USP2: variants seen among roughly 807,000 people sequenced by gnomAD.
The protein encoded by USP2 is ubiquitin specific peptidase 2.
A neutral mutation model predicts 72.0 loss-of-function variants in USP2; 33 were observed. The ratio of observed to expected loss-of-function variants is 0.46; its 90% CI spans 0.35 to 0.61. The LOEUF (loss-of-function observed/expected upper bound fraction) is 0.61, where lower values mean the gene tolerates loss of function less well. Among genes scored for constraint, USP2 ranks in the 20% least tolerant of loss-of-function variants. USP2 has a pLI of 0.01. For synonymous variants in USP2, 296 were observed against 312.5 expected, an observed-to-expected ratio of 0.95 and a Z score of 0.56; for missense variants, 691 against 797.8, an observed-to-expected ratio of 0.87 and a Z score of 1.61.
chr11:119,379,051 C>T, intron 1 of USP2: 1 of 985,538 alleles, frequency 1.0e-6, no homozygotes. Flanking sequence ...TTCTCCTTCC[C>T]CAGCAGGGCA....
In USP2 at chr11:119,372,870, C is replaced by A. The variant is rs146005919; in HGVS notation, c.611G>T (p.Arg204Leu). The A allele has an allele frequency of 6.2e-7, 1 of 1,607,330 alleles. No individual in the cohort carries two copies. The highest frequency in any genetic ancestry group is 1.1e-5 in the South Asian group (1 of 90,190). ...YLVDYLENYG[R>L]KGSASQVPSQ... The stretch of plus-strand genomic sequence containing the variant: ...GGGCACCTGAGATGCACTGCCCTTG[C>A]GACCATAGTTCTCCAGGTAGTCGAC... The change falls in exon 2 of 13, where the codon CGC becomes CTC. Residue 204 changes from arginine (R) to leucine (L), a missense_variant. Arg to Leu is a moderately radical substitution (Grantham distance 102). Coordinates refer to ENST00000260187, the MANE Select transcript of USP2 (RefSeq NM_004205.5).
Position 119,372,838 on chromosome 11 carries a change from C to A in USP2, c.643G>T (p.Ala215Ser). 6.2e-7 allele frequency: 1 copy of A among 1,607,990 alleles called. No individual in the cohort carries two copies. The highest frequency in any genetic ancestry group is 8.5e-7 in the Non-Finnish European group (1 of 1,177,572). The change falls in exon 2 of 13, where the codon GCC becomes TCC. Residue 215 changes from alanine to serine, a missense_variant. Physicochemically the swap from Ala to Ser is moderately conservative, Grantham distance 99 (BLOSUM62 1). Coordinates refer to ENST00000260187, the MANE Select transcript of USP2 (RefSeq NM_004205.5). ...ATTTCAGGGACTCGTGAGGGAGGGG[C>A]CTGGGAGGGCACCTGAGATGCACTG... ...KGSASQVPSQ[A>S]PPSRVPEIIS... is the part of the protein sequence containing the mutation.
At chr11:119,375,354 C>T (rs531783924) in intron 1 of USP2, among the ~76,000 whole-genome samples, 121 of 152,298 alleles carry the variant, frequency 7.9e-4, no homozygotes, top group Non-Finnish European at 1.4e-3. Flanking sequence ...TGCCTGAGAA[C>T]TCCAGCAGTT....
intron 4 of USP2, 59 bp downstream of exon 4, chr11:119,359,478 C>G (rs1201418604): frequency 8.7e-6 from 14 of 1,608,650 alleles, no homozygotes; most frequent in Non-Finnish European, 1.0e-5. Flanking sequence ...TAGAACAGCC[C>G]CAGTGGAGTG....
At chr11:119,367,730 C>T (rs1449083328) in intron 2 of USP2, among the ~76,000 whole-genome samples, 4 of 152,210 alleles carry the variant, frequency 2.6e-5, no homozygotes, top group Non-Finnish European at 5.9e-5. Flanking sequence ...GCCCACACAC[C>T]TCCTTCTTTT....
chr11:119,376,071 C>G (rs577861713), intron 1 of USP2, among the ~76,000 whole-genome samples: 1 of 152,382 alleles, frequency 6.6e-6, no homozygotes, highest in East Asian at 1.9e-4. Context: ...GCTCTGACTT[C>G]TAGCTACAGT....
chr11:119,372,919 T>G lies in USP2; in HGVS notation c.562A>C (p.Thr188Pro), dbSNP rs1950951273. ...ELCTLQGLYQ[T>P]ASCPEYLVDY... ...ACCAGGTATTCAGGGCAGCTGGCTG[T>G]CTGGTAGAGCCCCTGCAGGGTGCAG... Residue 188 changes from threonine to proline, a missense_variant, in exon 2 of 13, where the codon ACA (threonine) becomes CCA (proline). Physicochemically the swap from Thr to Pro is conservative, Grantham distance 38. Transcript: ENST00000260187. The G allele has an allele frequency of 5.0e-6, 8 of 1,612,620 alleles. No homozygotes were observed. Among genetic ancestry groups the G allele is most frequent in the African/African-American group, 2.7e-5 (2 of 74,884 alleles).
intron 12 of USP2, 47 bp from the exon 13 acceptor site, chr11:119,356,969 A>T (rs926002165): frequency 6.5e-7 from 1 of 1,537,498 alleles, no homozygotes; most frequent in Non-Finnish European, 8.8e-7. Flanking sequence ...GGACCGGGAG[A>T]CCCCCCGCCG....
chr11:119,370,180 AAAAAC>A (rs1408956488), intron 2 of USP2, among the ~76,000 whole-genome samples: 1 of 152,186 alleles, frequency 6.6e-6, no homozygotes, highest in Non-Finnish European at 1.5e-5. Context: ...CCATCTCCAA[AAAAAC>A]AAAACAAAAC....
At chr11:119,364,529 G>A (rs1950824660) in intron 2 of USP2, among the ~76,000 whole-genome samples, 1 of 152,216 alleles carries the variant, frequency 6.6e-6, no homozygotes, top group Non-Finnish European at 1.5e-5. Flanking sequence ...AGTGGCAACC[G>A]GGTGAGCTTC....
Position 119,381,532 on chromosome 11 carries a change from G to A in USP2, c.-101C>T. On this transcript the variant is annotated 5_prime_UTR_variant, in exon 1 of 13. Transcript: ENST00000260187. ...GGCACAAGCATGGAGCTGCGGGTGA[G>A]TCCCGGCTGGCGCTGGCGCGGCGCA... 1 of 1,536,150 alleles carries A rather than the reference G, an allele frequency of 6.5e-7. No individual in the cohort carries two copies. Among genetic ancestry groups the A allele is most frequent in the Non-Finnish European group, 8.7e-7 (1 of 1,146,892 alleles).
At chr11:119,358,323 ATT>A (rs59899031) in intron 7 of USP2, 71 bp from the exon 8 acceptor site, 2,314 of 1,136,618 alleles carry the variant, frequency 2.0e-3, no homozygotes, top group South Asian at 2.9e-3. Flanking sequence ...AGCAGCTTTT[ATT>A]TTTTTTTTTG....
At chr11:119,365,297 T>C (rs1950836689) in intron 2 of USP2, among the ~76,000 whole-genome samples, 1 of 152,118 alleles carries the variant, frequency 6.6e-6, no homozygotes, top group South Asian at 2.1e-4. Flanking sequence ...GACACACGTA[T>C]GGCAGTACCC....
chr11:119,360,435 T>A, intron 2 of USP2: 3 of 680,088 alleles, frequency 4.4e-6, no homozygotes, highest in Non-Finnish European at 7.9e-6. Flanking sequence ...TTCTTTTTTT[T>A]TTTTTTGAGA....
chr11:119,364,095 G>A, intron 2 of USP2: 1 of 1,257,822 alleles, frequency 8.0e-7, no homozygotes, highest in Non-Finnish European at 1.0e-6. Context: ...GCCGAGGCCG[G>A]CGAGACCGCT....
chr11:119,357,665 C>T (rs774019440), intron 10 of USP2, 75 bp from the exon 11 acceptor site: 64 of 1,613,312 alleles, frequency 4.0e-5, no homozygotes, highest in East Asian at 2.7e-4. Context: ...CTACAAGGTC[C>T]GTTTCTTCCG....
chr11:119,374,768 G>A (rs1950978525), intron 1 of USP2, among the ~76,000 whole-genome samples: 1 of 152,128 alleles, frequency 6.6e-6, no homozygotes. Context: ...CTTTCTAGGG[G>A]GATGGAGCAG....
intron 2 of USP2, among the ~76,000 whole-genome samples, chr11:119,370,665 G>A (rs1033996184): frequency 1.3e-5 from 2 of 152,244 alleles, no homozygotes; most frequent in Non-Finnish European, 1.5e-5. Context: ...TGACCCTGGA[G>A]AGGCCTCTGC....
chr11:119,379,230 G>C, intron 1 of USP2: 1 of 985,532 alleles, frequency 1.0e-6, no homozygotes, highest in Non-Finnish European at 1.2e-6. Flanking sequence ...TAAAGGGGCA[G>C]TGGCGTGCTC....
Sources: allele counts gnomAD v4.1 joint callset (sites outside exome capture counted in the v4.1 genomes callset), GRCh38; gene constraint gnomAD v4.1.1; transcripts MANE v1.5; gene names NCBI Gene and HGNC (gene_info 2026-07-23, HGNC 2026-07-21).